The following SORCS1 variants were observed in gnomAD, a reference collection of about 807,000 sequenced individuals.
SORCS1 encodes the protein VPS10 domain-containing receptor SorCS1.
Under a neutral mutation model 146.1 loss-of-function variants are expected in SORCS1, and 60 were observed. That is an observed-to-expected ratio of 0.41 (90% CI 0.33 to 0.51). SORCS1 has a LOEUF of 0.51. Among genes scored for constraint, SORCS1 ranks in the 20% least tolerant of loss-of-function variants. The pLI, the probability that SORCS1 is intolerant of heterozygous loss-of-function variation, is 0.21. For missense variants in SORCS1, 1,352 were observed against 1,487.6 expected (o/e 0.91, Z 1.50); for synonymous variants, 637 against 584.0 (o/e 1.09, Z -1.31).
chr10:106,769,605 T>C (rs1262980149), intron 4 of SORCS1, among the ~76,000 whole-genome samples: 2 of 152,166 alleles, frequency 1.3e-5, no homozygotes, highest in African/African-American at 4.8e-5. Context: ...TTAAAAACAT[T>C]GCAGGACTGG....
intron 5 of SORCS1, 91 bp downstream of exon 5, chr10:106,761,497 C>G: frequency 2.8e-6 from 3 of 1,080,644 alleles, no homozygotes; most frequent in Non-Finnish European, 4.3e-6. Flanking sequence ...TATGTGAGAG[C>G]ACTGGTGAGA....
upstream of SORCS1, among the ~76,000 whole-genome samples, chr10:107,166,455 AC>A (rs1260202948): frequency 6.6e-6 from 1 of 152,208 alleles, no homozygotes; most frequent in Non-Finnish European, 1.5e-5. Context: ...AAACTTGAGT[AC>A]CTAAAAGGAC....
At chr10:106,675,410 C>A (rs1851952159) in intron 13 of SORCS1, among the ~76,000 whole-genome samples, 1 of 152,068 alleles carries the variant, frequency 6.6e-6, no homozygotes, top group Admixed American at 6.6e-5. Context: ...AACTATAAGT[C>A]TTTTATAAAA....
chr10:106,981,772 AT>A (rs1263333379), intron 1 of SORCS1, among the ~76,000 whole-genome samples: 47 of 152,312 alleles, frequency 3.1e-4, no homozygotes, highest in Admixed American at 1.7e-3. Flanking sequence ...TCCTCATCAC[AT>A]TGCCAAGGAG....
At chr10:106,735,492 A>G (rs1856887614) in intron 5 of SORCS1, among the ~76,000 whole-genome samples, 1 of 152,178 alleles carries the variant, frequency 6.6e-6, no homozygotes, top group Non-Finnish European at 1.5e-5. Context: ...CCTGGAGGAA[A>G]AGCAAGGTCC....
intron 13 of SORCS1, among the ~76,000 whole-genome samples, chr10:106,677,027 T>A (rs1031051995): frequency 1.3e-5 from 2 of 152,104 alleles, no homozygotes; most frequent in Non-Finnish European, 2.9e-5. Context: ...TTACATTTCT[T>A]CCCTCTATAT....
intron 2 of SORCS1, among the ~76,000 whole-genome samples, chr10:106,883,798 G>C (rs1950895696): frequency 1.3e-5 from 2 of 152,142 alleles, no homozygotes; most frequent in Admixed American, 1.3e-4. Context: ...TGACTCACCA[G>C]GGAAAAGAAA....
At chr10:107,159,311 T>A (rs910540503) in intron 1 of SORCS1, among the ~76,000 whole-genome samples, 8 of 152,212 alleles carry the variant, frequency 5.3e-5, no homozygotes, top group Non-Finnish European at 1.2e-4. Context: ...GTATCCAGTA[T>A]CTGTATGAAC....
At chr10:106,760,164 G>C (rs1232991869) in intron 5 of SORCS1, among the ~76,000 whole-genome samples, 1 of 152,134 alleles carries the variant, frequency 6.6e-6, no homozygotes, top group African/African-American at 2.4e-5. Context: ...GGAGGAAGAG[G>C]CCGGGCGTGA....
chr10:106,962,394 C>CAAAAAAAAAAAA (rs60616146), intron 1 of SORCS1, among the ~76,000 whole-genome samples: 7 of 62,566 alleles, frequency 1.1e-4, no homozygotes, highest in East Asian at 5.6e-4. Context: ...AACTCCATCT[C>CAAAAAAAAAAAA]AAAAAAAAAA....
intron 3 of SORCS1, among the ~76,000 whole-genome samples, chr10:106,807,554 T>C (rs1384671552): frequency 6.6e-6 from 1 of 152,196 alleles, no homozygotes; most frequent in Non-Finnish European, 1.5e-5. Flanking sequence ...TTCACTGAGA[T>C]GTAAAACAAA....
chr10:107,172,527 T>A, the SORCS1 span, among the ~76,000 whole-genome samples: 4 of 152,220 alleles, frequency 2.6e-5, no homozygotes, highest in Non-Finnish European at 2.9e-5. Flanking sequence ...TGTACTTTTT[T>A]AATTCTCATC....
At chr10:106,880,282 T>C (rs912239900) in intron 2 of SORCS1, among the ~76,000 whole-genome samples, 6 of 152,336 alleles carry the variant, frequency 3.9e-5, no homozygotes, top group East Asian at 1.9e-4. Flanking sequence ...TTCAGTCTTA[T>C]TACATTTAAA....
At chr10:106,621,298 T>C (rs1847728590) in intron 19 of SORCS1, among the ~76,000 whole-genome samples, 1 of 152,186 alleles carries the variant, frequency 6.6e-6, no homozygotes, top group South Asian at 2.1e-4. Flanking sequence ...CTAGGACCTT[T>C]CCTTCAACCC....
chr10:106,863,349 A>C (rs990535320), intron 2 of SORCS1, among the ~76,000 whole-genome samples: 4 of 152,058 alleles, frequency 2.6e-5, no homozygotes, highest in Non-Finnish European at 5.9e-5. Flanking sequence ...ACATGGTGAA[A>C]CCCTGTCTGT....
intron 2 of SORCS1, among the ~76,000 whole-genome samples, chr10:106,952,324 A>C (rs920381517): frequency 2.6e-5 from 4 of 152,042 alleles, no homozygotes; most frequent in African/African-American, 9.7e-5. Flanking sequence ...TGCAGGAGAA[A>C]GTCAGTTTGT....
chr10:106,715,433 G>T (rs1241861494), intron 6 of SORCS1, among the ~76,000 whole-genome samples: 1 of 152,182 alleles, frequency 6.6e-6, no homozygotes, highest in Admixed American at 6.5e-5. Flanking sequence ...GAGAAGGGAA[G>T]CTGCTTTTAA....
At chr10:106,938,649 A>C (rs1413981353) in intron 2 of SORCS1, among the ~76,000 whole-genome samples, 4 of 152,258 alleles carry the variant, frequency 2.6e-5, no homozygotes, top group Non-Finnish European at 5.9e-5. Flanking sequence ...AAGAATAAGC[A>C]GGCAGCAACC....
chr10:107,123,881 T>C (rs1322574428), intron 1 of SORCS1, among the ~76,000 whole-genome samples: 2 of 148,900 alleles, frequency 1.3e-5, no homozygotes, highest in African/African-American at 5.0e-5. Context: ...ATTGAGACCA[T>C]CCTGGTTAAC....
Sources: gnomAD v4.1 joint callset for allele counts (sites outside exome capture counted in the v4.1 genomes callset) on GRCh38, gnomAD v4.1.1 for gene constraint, MANE v1.5 for transcripts, NCBI Gene and HGNC (gene_info 2026-07-23, HGNC 2026-07-21) for gene names.